CNOT10: variants seen among roughly 807,000 people sequenced by gnomAD.
CNOT10 encodes the protein CCR4-NOT transcription complex, subunit 10.
In CNOT10, 30 loss-of-function variants were observed where a neutral mutation model predicts 94.6. The ratio of observed to expected loss-of-function variants is 0.32; its 90% CI spans 0.24 to 0.43. The LOEUF is 0.43. CNOT10 is among the 20% of genes least tolerant of loss of function. CNOT10 has a pLI of 1.00. For missense variants in CNOT10, 759 were observed against 877.2 expected (o/e 0.87, Z 1.70); for synonymous variants, 289 against 301.6 (o/e 0.96, Z 0.43).
At chr3:32,754,638 ACCT>A (rs1700141710) in intron 13 of CNOT10, among the ~76,000 whole-genome samples, 1 of 137,420 alleles carries the variant, frequency 7.3e-6, no homozygotes, top group Non-Finnish European at 1.5e-5. Flanking sequence ...TTCTGCCTCG[ACCT>A]CCTGAGTAGC....
chr3:32,689,834 A>C (rs555600508), intron 1 of CNOT10, among the ~76,000 whole-genome samples: 26 of 152,232 alleles, frequency 1.7e-4, no homozygotes, highest in Admixed American at 5.2e-4. Context: ...GTGACCCTGA[A>C]GTCCTAGCTA....
At chr3:32,734,607 T>C (rs1699097818) in intron 11 of CNOT10, among the ~76,000 whole-genome samples, 193 bp from the exon 12 acceptor site, 1 of 152,174 alleles carries the variant, frequency 6.6e-6, no homozygotes, top group Non-Finnish European at 1.5e-5. Context: ...TGCAATCCAT[T>C]ATTTATACTA....
intron 12 of CNOT10, among the ~76,000 whole-genome samples, chr3:32,735,584 A>C (rs879568204): frequency 6.6e-6 from 1 of 151,354 alleles, no homozygotes; most frequent in Non-Finnish European, 1.5e-5. Flanking sequence ...GTGGGCACCT[A>C]TAATCCCCAC....
At chr3:32,685,965 C>A (rs1402859563) in intron 1 of CNOT10, among the ~76,000 whole-genome samples, 1 of 151,890 alleles carries the variant, frequency 6.6e-6, no homozygotes, top group African/African-American at 2.4e-5. Context: ...TAGAGACGGG[C>A]GGGGGTCTCG....
At chr3:32,720,000 C>A in intron 7 of CNOT10, 114 bp from the exon 8 acceptor site, 1 of 497,796 alleles carries the variant, frequency 2.0e-6, no homozygotes, top group Non-Finnish European at 3.6e-6. Context: ...TTTTTTGTGA[C>A]TGACTTAATT....
At chr3:32,694,783 G>T (rs1424743628) in intron 1 of CNOT10, among the ~76,000 whole-genome samples, 1 of 152,024 alleles carries the variant, frequency 6.6e-6, no homozygotes, top group Non-Finnish European at 1.5e-5. Flanking sequence ...AGAGATGGGG[G>T]TTTCACCATG....
intron 9 of CNOT10, among the ~76,000 whole-genome samples, chr3:32,726,687 C>T (rs1478729062): frequency 3.3e-5 from 4 of 119,404 alleles, no homozygotes; most frequent in East Asian, 4.9e-4. Flanking sequence ...CAGAGCGAGA[C>T]TCTGTCCATA....
chr3:32,757,170 ATTTTT>A (rs1173513009), intron 13 of CNOT10, among the ~76,000 whole-genome samples: 126 of 78,282 alleles, frequency 1.6e-3, no homozygotes, highest in African/African-American at 5.9e-3. Flanking sequence ...CCCTGAACTA[ATTTTT>A]TTTTTTTTTT....
At chr3:32,732,386 A>T (rs1039316995) in intron 10 of CNOT10, among the ~76,000 whole-genome samples, 3 of 151,884 alleles carry the variant, frequency 2.0e-5, no homozygotes, top group African/African-American at 7.3e-5. Flanking sequence ...TTCCAGCCTC[A>T]GCAACTTGGC....
chr3:32,772,743 A>G (rs1009886854), intron 18 of CNOT10, among the ~76,000 whole-genome samples: 35 of 152,128 alleles, frequency 2.3e-4, no homozygotes, highest in African/African-American at 8.0e-4. Flanking sequence ...TGACCTTGGG[A>G]ACTCTTACAA....
rs751867812 is a variant in CNOT10, at chr3:32,703,972, G to C, written c.117+10G>C. 1.3e-6 allele frequency: 2 copies of C among 1,571,896 alleles called. No homozygotes were observed. The highest frequency in any genetic ancestry group is 1.8e-6 in the Non-Finnish European group (2 of 1,141,870). On this transcript the variant is annotated intron_variant, in intron 2 of 18. Coordinates refer to ENST00000328834, the MANE Select transcript of CNOT10 (RefSeq NM_015442.3). Reference sequence around the variant, plus strand: ...TTTCCAAGCTTTCACAGTAAGAAATGGCTTCTCTTAGTCTGCTCAAGTTGT... The same window carrying C: ...TTTCCAAGCTTTCACAGTAAGAAATCGCTTCTCTTAGTCTGCTCAAGTTGT...
chr3:32,764,412 C>T (rs774824832), intron 15 of CNOT10, 43 bp from the exon 16 acceptor site: 8 of 1,595,470 alleles, frequency 5.0e-6, no homozygotes, highest in African/African-American at 1.3e-5. Flanking sequence ...AGAAAATATG[C>T]TCTGTTGTTC....
intron 13 of CNOT10, among the ~76,000 whole-genome samples, chr3:32,745,448 A>G (rs183892246): frequency 0.013 from 1,017 of 80,918 alleles, 5 homozygotes; most frequent in Non-Finnish European, 0.013. Context: ...GTATGAAGCC[A>G]TAAGTTTTAT....
Position 32,770,538 on chromosome 3 carries a change from G to A in CNOT10, c.2080+576G>A, listed in dbSNP as rs1254545099. ...GACAGGGTTTCACCGTGTTGGCCAC[G>A]ATGGTCTCGATCTCCTGACCTCATG... On this transcript the variant is annotated intron_variant, in intron 18 of 18. Transcript: ENST00000328834. Among the ~76,000 whole-genome samples the A allele has an allele frequency of 4.0e-5, 6 of 151,758 alleles. No individual in the cohort carries two copies. In the South Asian group the frequency reaches 6.3e-4, roughly 16 times the overall value.
chr3:32,756,577 A>G (rs74412594), intron 13 of CNOT10, among the ~76,000 whole-genome samples: 8,880 of 152,192 alleles, frequency 0.058, 288 homozygotes, highest in Middle Eastern at 0.088. Context: ...GAAAAGTCCC[A>G]TTTGTGGGAG....
At chr3:32,698,101 A>T (rs1187650124) in intron 1 of CNOT10, among the ~76,000 whole-genome samples, 2 of 152,188 alleles carry the variant, frequency 1.3e-5, no homozygotes, top group Admixed American at 1.3e-4. Context: ...TGCAAAACAC[A>T]TGTATTGGAT....
rs980906070 is a variant in CNOT10, at chr3:32,720,240, A to G, written c.862+9A>G. ...AGGATTCATGAAAACAGGTAAAAGA[A>G]AATTGTGAAATTTTAACTTTTTTTT... On this transcript the variant is annotated intron_variant, in intron 8 of 18. Transcript: ENST00000328834. 6.9e-7 allele frequency: 1 copy of G among 1,440,102 alleles called. No homozygotes were observed. The highest frequency in any genetic ancestry group is 9.5e-7 in the Non-Finnish European group (1 of 1,048,504). 89.2% of individuals were successfully genotyped at this position (1,440,102 alleles called of 1,614,324 possible).
chr3:32,735,514 C>G (rs1241605320), intron 12 of CNOT10, among the ~76,000 whole-genome samples: 1 of 152,050 alleles, frequency 6.6e-6, no homozygotes. Flanking sequence ...TCAAGACCAG[C>G]TGGCCAACAT....
chr3:32,704,715 T>C (rs1697531402), intron 2 of CNOT10, 96 bp from the exon 3 acceptor site: 2 of 1,362,974 alleles, frequency 1.5e-6, no homozygotes, highest in Admixed American at 5.8e-5. Flanking sequence ...TTAAGAACTT[T>C]TAAGATAAAG....
Sources: gnomAD v4.1 joint callset for allele counts (sites outside exome capture counted in the v4.1 genomes callset) on GRCh38, gnomAD v4.1.1 for gene constraint, MANE v1.5 for transcripts, NCBI Gene and HGNC (gene_info 2026-07-23, HGNC 2026-07-21) for gene names.